The following COL10A1 variants were observed in gnomAD, a reference collection of about 807,000 sequenced individuals.
COL10A1 encodes collagen alpha-1(X) chain.
In COL10A1, 10 loss-of-function variants were observed where a neutral mutation model predicts 18.2. The observed-to-expected ratio is 0.55, with a 90% CI of 0.34 to 0.93. COL10A1 has a LOEUF of 0.93. COL10A1 is among the 40% of genes least tolerant of loss of function. The pLI, the probability that COL10A1 is intolerant of heterozygous loss-of-function variation, is 0.02. For synonymous variants in COL10A1, 330 were observed against 316.6 expected (o/e 1.04, Z -0.45); for missense variants, 897 against 853.5 (o/e 1.05, Z -0.64).
chr6:116,179,291 A>G, the COL10A1 span, among the ~76,000 whole-genome samples: 1 of 152,168 alleles, frequency 6.6e-6, no homozygotes, highest in Non-Finnish European at 1.5e-5. Flanking sequence ...AGAATTCTGA[A>G]AACTGCATAA....
the COL10A1 span, among the ~76,000 whole-genome samples, chr6:116,214,868 C>T: frequency 6.6e-6 from 1 of 151,774 alleles, no homozygotes; most frequent in Non-Finnish European, 1.5e-5. Flanking sequence ...GAGGCATAGA[C>T]TCAAGCAACT....
At chr6:116,152,293 G>T (rs1010631289) in intron 1 of COL10A1, among the ~76,000 whole-genome samples, 2 of 152,002 alleles carry the variant, frequency 1.3e-5, no homozygotes, top group South Asian at 4.2e-4. Context: ...CACCTTAAAG[G>T]TGCACACAAC....
At chr6:116,210,285 A>G in the COL10A1 span, among the ~76,000 whole-genome samples, 1 of 151,984 alleles carries the variant, frequency 6.6e-6, no homozygotes, top group African/African-American at 2.4e-5. Flanking sequence ...TTGATTTGTC[A>G]AAATTTATCC....
the COL10A1 span, among the ~76,000 whole-genome samples, chr6:116,212,714 A>G: frequency 6.6e-6 from 1 of 152,126 alleles, no homozygotes; most frequent in Non-Finnish European, 1.5e-5. Context: ...GGGAACAAAC[A>G]TCCCAGGATA....
intron 1 of COL10A1, among the ~76,000 whole-genome samples, chr6:116,136,336 T>C (rs1159777357): frequency 1.3e-5 from 2 of 152,178 alleles, no homozygotes; most frequent in Non-Finnish European, 2.9e-5. Flanking sequence ...CACTTTTTTT[T>C]TTAAAGGACA....
At chr6:116,184,181 G>A in the COL10A1 span, among the ~76,000 whole-genome samples, 3 of 151,768 alleles carry the variant, frequency 2.0e-5, no homozygotes, top group Admixed American at 1.3e-4. Context: ...TTTCTAATTC[G>A]GTTTATGTGG....
chr6:116,198,877 T>C, the COL10A1 span, among the ~76,000 whole-genome samples: 2 of 152,028 alleles, frequency 1.3e-5, no homozygotes, highest in African/African-American at 4.8e-5. Context: ...TGATCCCTCA[T>C]AGCCACCAAT....
upstream of COL10A1, among the ~76,000 whole-genome samples, chr6:116,127,311 C>G (rs1309083294): frequency 6.6e-6 from 1 of 152,076 alleles, no homozygotes; most frequent in Non-Finnish European, 1.5e-5. Context: ...CCTTGTATAG[C>G]CCTTTATGGA....
chr6:116,171,900 T>A, the COL10A1 span, among the ~76,000 whole-genome samples: 1 of 152,202 alleles, frequency 6.6e-6, no homozygotes, highest in Non-Finnish European at 1.5e-5. Flanking sequence ...ACAGGGAAGT[T>A]TAAGTCCGAG....
chr6:116,174,334 A>C, the COL10A1 span, among the ~76,000 whole-genome samples: 2 of 152,184 alleles, frequency 1.3e-5, no homozygotes, highest in Non-Finnish European at 2.9e-5. Context: ...CTTATTTGGA[A>C]ATCTTCCGTA....
chr6:116,163,141 A>AAAAAAAAAAATAT (rs761718922), upstream of COL10A1, among the ~76,000 whole-genome samples: 27 of 88,382 alleles, frequency 3.1e-4, no homozygotes, highest in African/African-American at 1.5e-3. Flanking sequence ...AAAAAAAAAA[A>AAAAAAAAAAATAT]ATATATATAT....
Position 116,158,100 on chromosome 6 carries a change from CT to C in COL10A1, c.-16+513del, listed in dbSNP as rs146267631. Among the ~76,000 whole-genome samples, 441 of 152,258 alleles carry C rather than the reference CT, an allele frequency of 2.9e-3. 3 individuals carry two copies. Among genetic ancestry groups the C allele is most frequent in the African/African-American group, 0.01 (429 of 41,560 alleles). ...AGTCAATTTCTCTGAACTACAAGAA[CT>C]TTCTAGTTTCAATAGCTATTAATAT... is the stretch of plus-strand genomic sequence containing the variant. On this transcript the variant is annotated intron_variant, in intron 1 of 1. Transcript: ENST00000418500.
At chr6:116,168,156 T>G in the COL10A1 span, among the ~76,000 whole-genome samples, 8 of 151,786 alleles carry the variant, frequency 5.3e-5, no homozygotes, top group South Asian at 4.1e-4. Context: ...TGGTTTGTTT[T>G]GGAAAATTCT....
the COL10A1 span, among the ~76,000 whole-genome samples, chr6:116,186,327 T>C: frequency 6.6e-6 from 1 of 151,820 alleles, no homozygotes; most frequent in African/African-American, 2.4e-5. Context: ...ATCTTCACTT[T>C]AGATAACCTG....
the COL10A1 span, among the ~76,000 whole-genome samples, chr6:116,211,949 C>T: frequency 4.6e-5 from 7 of 152,006 alleles, no homozygotes; most frequent in Non-Finnish European, 7.4e-5. Flanking sequence ...GTTTCATTCA[C>T]GCAGTGAGGC....
At chr6:116,189,844 A>G in the COL10A1 span, among the ~76,000 whole-genome samples, 2,018 of 152,140 alleles carry the variant, frequency 0.013, 40 homozygotes, top group African/African-American at 0.044. Context: ...GTTACAGCTA[A>G]ATGCTTCCGT....
At chr6:116,150,852 A>G (rs764283497) in intron 1 of COL10A1, among the ~76,000 whole-genome samples, 1 of 152,192 alleles carries the variant, frequency 6.6e-6, no homozygotes, top group Non-Finnish European at 1.5e-5. Flanking sequence ...TGAGAATGTC[A>G]CATCAAATTT....
At chr6:116,180,938 G>A in the COL10A1 span, among the ~76,000 whole-genome samples, 35 of 152,104 alleles carry the variant, frequency 2.3e-4, 2 homozygotes, top group South Asian at 7.3e-3. Context: ...AACACTAACT[G>A]ATATATGATG....
the COL10A1 span, among the ~76,000 whole-genome samples, chr6:116,182,222 A>AGTGTGTGT: frequency 3.2e-3 from 400 of 124,676 alleles, 2 homozygotes; most frequent in Middle Eastern, 0.016. Flanking sequence ...TTCCATGGAG[A>AGTGTGTGT]GTGTGTGTGT....
Sources: gnomAD v4.1 joint callset for allele counts (sites outside exome capture counted in the v4.1 genomes callset) on GRCh38, gnomAD v4.1.1 for gene constraint, MANE v1.5 for transcripts, NCBI Gene and HGNC (gene_info 2026-07-23, HGNC 2026-07-21) for gene names.